DGLUCY: variants seen among roughly 807,000 people sequenced by gnomAD.
DGLUCY encodes the protein D-glutamate cyclase, mitochondrial.
In DGLUCY, 58 loss-of-function variants were observed where a neutral mutation model predicts 58.5. That is an observed-to-expected ratio of 0.99 (90% CI 0.80 to 1.23). The LOEUF is 1.23. Ranked by LOEUF, DGLUCY falls within the 50% of genes most tolerant of loss-of-function variation. The pLI is 0.00. For synonymous variants in DGLUCY, 325 were observed against 314.1 expected (o/e 1.03, Z -0.37); for missense variants, 779 against 784.7 (o/e 0.99, Z 0.09).
At chr14:91,205,926 G>A (rs1209533725) in intron 12 of DGLUCY, among the ~76,000 whole-genome samples, 1 of 125,798 alleles carries the variant, frequency 7.9e-6, no homozygotes, top group Non-Finnish European at 1.6e-5. Context: ...TGCAACCTCC[G>A]CCTCCCGGGT....
At position 91,145,990 on chromosome 14, in the gene DGLUCY, C is replaced by T. The variant is rs182185676; in HGVS notation, c.-81-11649C>T. 1.5e-3 allele frequency among the ~76,000 whole-genome samples: 224 copies of T among 152,194 alleles called. 2 individuals are homozygous for T. The highest frequency in any genetic ancestry group is 0.014 in the Middle Eastern group (4 of 292). On this transcript the variant is annotated intron_variant, in intron 1 of 13. Coordinates refer to ENST00000256324, the MANE Select transcript of DGLUCY (RefSeq NM_001102368.3). ...ACCTCTGAGGCTGAAGCAATCCTCCCGCATCAGTCTCCCGAGTAGCTGGGA... is the reference window on the plus strand; with the variant it reads ...ACCTCTGAGGCTGAAGCAATCCTCCTGCATCAGTCTCCCGAGTAGCTGGGA...
intron 13 of DGLUCY, among the ~76,000 whole-genome samples, chr14:91,221,281 T>G (rs150176751): frequency 5.9e-5 from 9 of 152,326 alleles, no homozygotes; most frequent in African/African-American, 7.2e-5. Context: ...TGAGAGCTCT[T>G]GGAGGAACAA....
intron 1 of DGLUCY, among the ~76,000 whole-genome samples, chr14:91,155,318 G>A (rs776071317): frequency 6.6e-6 from 1 of 152,108 alleles, no homozygotes; most frequent in African/African-American, 2.4e-5. Flanking sequence ...CGCTAACTGT[G>A]AACCGGCCAG....
chr14:91,088,150 T>G (rs922337324), intron 1 of DGLUCY, among the ~76,000 whole-genome samples: 3 of 152,058 alleles, frequency 2.0e-5, no homozygotes, highest in Non-Finnish European at 4.4e-5. Flanking sequence ...CAAGTAAATG[T>G]AGAGAAGTCA....
rs183263245 is a variant in DGLUCY at position 91,185,234 on chromosome 14, G to A, written c.935-3676G>A. Among the ~76,000 whole-genome samples the A allele has an allele frequency of 7.3e-3, 1,051 of 144,602 alleles. 9 individuals are homozygous for A. Among genetic ancestry groups the A allele is most frequent in the Non-Finnish European group, 0.011 (754 of 67,022 alleles). The allele number at this position is 144,602 out of a possible 152,430, so 94.9% of individuals were successfully genotyped here. On this transcript the variant is annotated intron_variant, in intron 8 of 13. Coordinates refer to ENST00000256324, the MANE Select transcript of DGLUCY (RefSeq NM_001102368.3). ...TCTGCCCACCTCGGCCTCCCAAAGTGCTGGGATTACAGGTGTGAGCCACCG... is the reference window on the plus strand; with the variant it reads ...TCTGCCCACCTCGGCCTCCCAAAGTACTGGGATTACAGGTGTGAGCCACCG...
chr14:91,157,090 G>GATGGATGA (rs2047666088), intron 1 of DGLUCY, among the ~76,000 whole-genome samples: 2 of 146,752 alleles, frequency 1.4e-5, no homozygotes, highest in South Asian at 4.3e-4. Context: ...TGGATGGATG[G>GATGGATGA]ATGAATGGGT....
At chr14:91,152,112 T>G (rs989030253) in intron 1 of DGLUCY, among the ~76,000 whole-genome samples, 4 of 152,090 alleles carry the variant, frequency 2.6e-5, no homozygotes, top group African/African-American at 9.7e-5. Context: ...TTTGGCCAGG[T>G]GTTGTGGCTC....
intron 1 of DGLUCY, among the ~76,000 whole-genome samples, chr14:91,064,506 C>T (rs2043786267): frequency 6.6e-6 from 1 of 150,998 alleles, no homozygotes; most frequent in Admixed American, 6.6e-5. Flanking sequence ...GCCTATAATC[C>T]AAGCTACTCG....
At chr14:91,069,996 A>G (rs1219145981) in intron 1 of DGLUCY, among the ~76,000 whole-genome samples, 1 of 151,996 alleles carries the variant, frequency 6.6e-6, no homozygotes, top group Non-Finnish European at 1.5e-5. Flanking sequence ...AGTTGAAAAA[A>G]CTGGGAATTA....
intron 12 of DGLUCY, among the ~76,000 whole-genome samples, chr14:91,213,691 A>ATTGTTTGTTTGT (rs60700798): frequency 0.18 from 26,709 of 150,058 alleles, 2,734 homozygotes; most frequent in African/African-American, 0.28. Flanking sequence ...TTCACTGAAG[A>ATTGTTTGTTTGT]TTGTTTGTTT....
chr14:91,096,212 G>A (rs964680434), intron 1 of DGLUCY, among the ~76,000 whole-genome samples: 3 of 152,122 alleles, frequency 2.0e-5, no homozygotes, highest in Non-Finnish European at 4.4e-5. Context: ...TCAGGAGTTC[G>A]AGACCAACCT....
intron 1 of DGLUCY, among the ~76,000 whole-genome samples, chr14:91,076,976 T>G (rs2044031696): frequency 6.6e-6 from 1 of 152,122 alleles, no homozygotes; most frequent in African/African-American, 2.4e-5. Context: ...CTGGCACAGT[T>G]GCTCATGCTT....
intron 1 of DGLUCY, among the ~76,000 whole-genome samples, chr14:91,085,566 T>G (rs1389829823): frequency 4.6e-5 from 7 of 150,830 alleles, no homozygotes; most frequent in Non-Finnish European, 7.4e-5. Flanking sequence ...TTTTTTTGTT[T>G]TTTTTTTTTT....
chr14:91,204,657 C>A, intron 11 of DGLUCY, 49 bp from the exon 12 acceptor site: 13 of 1,596,982 alleles, frequency 8.1e-6, no homozygotes, highest in Non-Finnish European at 1.1e-5. Flanking sequence ...TCAGGCCTCC[C>A]CCATTTTGCC....
rs540422557 is a variant in DGLUCY, at chr14:91,165,826, C to T, written c.104-1399C>T. On this transcript the variant is annotated intron_variant, in intron 3 of 13. Transcript: ENST00000256324. ...CTTGGCAGTATCTATTAAAGTTGCA[C>T]ATGTGTATAACTTACCACCCCAGAA... Among the ~76,000 whole-genome samples, 3 of 152,336 alleles carry T rather than the reference C, an allele frequency of 2.0e-5. No homozygotes were observed. In the South Asian group the frequency reaches 6.2e-4, roughly 32 times the overall value.
At chr14:91,066,470 G>A (rs759000910) in intron 1 of DGLUCY, among the ~76,000 whole-genome samples, 4 of 151,332 alleles carry the variant, frequency 2.6e-5, no homozygotes, top group African/African-American at 4.9e-5. Context: ...AACGGGGTCC[G>A]TGCTCACCCC....
chr14:91,104,304 C>T (rs574132838), upstream of DGLUCY, among the ~76,000 whole-genome samples: 13 of 151,790 alleles, frequency 8.6e-5, no homozygotes, highest in African/African-American at 1.9e-4. Flanking sequence ...CCTCGTGATC[C>T]GCCCTCCTCG....
intron 1 of DGLUCY, among the ~76,000 whole-genome samples, chr14:91,090,281 G>A (rs936780732): frequency 5.3e-5 from 8 of 152,268 alleles, no homozygotes; most frequent in Non-Finnish European, 1.0e-4. Context: ...CATGGATCTC[G>A]GTGAGGACCA....
chr14:91,070,374 C>T (rs1038021944), intron 1 of DGLUCY, among the ~76,000 whole-genome samples: 2 of 152,150 alleles, frequency 1.3e-5, no homozygotes, highest in African/African-American at 4.8e-5. Flanking sequence ...GAGACATTCT[C>T]TCATGGAGAG....
Sources: allele counts gnomAD v4.1 joint callset (sites outside exome capture counted in the v4.1 genomes callset), GRCh38; gene constraint gnomAD v4.1.1; transcripts MANE v1.5; gene names NCBI Gene and HGNC (gene_info 2026-07-23, HGNC 2026-07-21).